Variants in COL28A1 observed in about 807,000 individuals in gnomAD.
COL28A1 encodes the protein collagen alpha-1(XXVIII) chain.
Under a neutral mutation model 150.2 loss-of-function variants are expected in COL28A1, and 161 were observed. That is an observed-to-expected ratio of 1.07 (90% CI 0.94 to 1.22). The LOEUF (loss-of-function observed/expected upper bound fraction) is 1.22. Among genes scored for constraint, COL28A1 ranks in the 50% most tolerant of loss-of-function variants. COL28A1 has a pLI of 0.00. For missense variants in COL28A1, 1,617 were observed against 1,388.3 expected (o/e 1.16, Z -2.62); for synonymous variants, 552 against 469.7 (o/e 1.18, Z -2.26).
chr7:7,473,184 A>T (rs1023274056), intron 15 of COL28A1, among the ~76,000 whole-genome samples: 1 of 152,204 alleles, frequency 6.6e-6, no homozygotes, highest in African/African-American at 2.4e-5. Flanking sequence ...GCTGGGACTT[A>T]ATTAAACTAA....
intron 15 of COL28A1, among the ~76,000 whole-genome samples, chr7:7,457,741 G>A (rs975098987): frequency 1.1e-4 from 16 of 152,224 alleles, no homozygotes; most frequent in African/African-American, 3.6e-4. Flanking sequence ...AGCAGCCAGA[G>A]AGACCAAGTG....
At chr7:7,472,137 C>G (rs1031236368) in intron 15 of COL28A1, among the ~76,000 whole-genome samples, 14 of 152,084 alleles carry the variant, frequency 9.2e-5, no homozygotes, top group African/African-American at 3.4e-4. Flanking sequence ...ACTCTCACCA[C>G]CCCTCTGACA....
At chr7:7,439,080 C>T (rs1785558337) in intron 21 of COL28A1, among the ~76,000 whole-genome samples, 1 of 152,232 alleles carries the variant, frequency 6.6e-6, no homozygotes. Context: ...CTCCGTCTGA[C>T]TCATGTCCTC....
chr7:7,453,188 A>G (rs1786852367), intron 17 of COL28A1, among the ~76,000 whole-genome samples: 1 of 152,232 alleles, frequency 6.6e-6, no homozygotes, highest in South Asian at 2.1e-4. Flanking sequence ...GAGTTGGTAG[A>G]ATAGGATCTC....
chr7:7,426,239 T>C (rs1026862845), intron 25 of COL28A1, among the ~76,000 whole-genome samples: 4 of 152,198 alleles, frequency 2.6e-5, no homozygotes, highest in East Asian at 1.9e-4. Context: ...AAAGTGATGA[T>C]AGCAGCTGCC....
the COL28A1 span, among the ~76,000 whole-genome samples, chr7:7,542,099 C>T: frequency 6.6e-6 from 1 of 152,162 alleles, no homozygotes; most frequent in African/African-American, 2.4e-5. Flanking sequence ...CCTGTAATCC[C>T]AGCACTTTGG....
chr7:7,472,549 C>A (rs1346867995), intron 15 of COL28A1, among the ~76,000 whole-genome samples: 1 of 152,160 alleles, frequency 6.6e-6, no homozygotes, highest in Non-Finnish European at 1.5e-5. Context: ...CAAACACATC[C>A]CATGCTCATG....
At position 7,472,116 on chromosome 7, in the gene COL28A1, C is replaced by G. The variant is rs1360559967; in HGVS notation, c.1302+2485G>C. Among the ~76,000 whole-genome samples the G allele has an allele frequency of 2.0e-5, 3 of 152,146 alleles. No homozygotes were observed. The East Asian group carries it at 5.8e-4, about 29-fold the overall frequency. On this transcript the variant is annotated intron_variant, in intron 15 of 34. Coordinates refer to ENST00000399429, the MANE Select transcript of COL28A1 (RefSeq NM_001037763.3). ...ATTCCCTCTGAGAACTGGAACAAGACAAGGATGCCCACTCTCACCACCCCT... is the reference window on the plus strand; with the variant it reads ...ATTCCCTCTGAGAACTGGAACAAGAGAAGGATGCCCACTCTCACCACCCCT...
intron 18 of COL28A1, among the ~76,000 whole-genome samples, chr7:7,445,769 T>C (rs1287085830): frequency 6.6e-6 from 1 of 151,694 alleles, no homozygotes; most frequent in African/African-American, 2.4e-5. Context: ...AAAAGCACAG[T>C]AAATCTAACA....
Position 7,358,486 on chromosome 7 carries a change from A to C in COL28A1, c.*147T>G, listed in dbSNP as rs1769820874. The C allele has an allele frequency of 1.4e-6, 1 of 705,568 alleles. No homozygotes were observed. The highest frequency in any genetic ancestry group is 2.9e-5 in the Admixed American group (1 of 34,296). 43.7% of individuals were successfully genotyped at this position (705,568 alleles called of 1,614,324 possible). A position where few individuals can be genotyped will look rare whatever the true frequency, so the allele number is the denominator to read the frequency against. Reference sequence around the variant, plus strand: ...TATATAAGTGGTTAATAATATGTACATCCTAGGGCTGTAGTGAGAATTCAA... The same window carrying C: ...TATATAAGTGGTTAATAATATGTACCTCCTAGGGCTGTAGTGAGAATTCAA... On this transcript the variant is annotated 3_prime_UTR_variant, in exon 35 of 35. Transcript: ENST00000399429.
At chr7:7,428,383 C>T (rs138226351) in intron 25 of COL28A1, among the ~76,000 whole-genome samples, 47 of 152,302 alleles carry the variant, frequency 3.1e-4, no homozygotes, top group Non-Finnish European at 6.0e-4. Flanking sequence ...TAGGCTGTAC[C>T]TGCCCTTAGT....
chr7:7,432,398 T>A (rs1785033291), intron 25 of COL28A1, 75 bp downstream of exon 25: 5 of 1,221,614 alleles, frequency 4.1e-6, no homozygotes, highest in Non-Finnish European at 4.8e-6. Flanking sequence ...TGATAAAAAA[T>A]TTTATTTTTA....
At chr7:7,393,689 G>A (rs866940778) in intron 27 of COL28A1, among the ~76,000 whole-genome samples, 4 of 152,166 alleles carry the variant, frequency 2.6e-5, no homozygotes, top group Admixed American at 6.5e-5. Flanking sequence ...AGGCTACAGC[G>A]GCATTGCTGA....
At chr7:7,519,442 CA>C (rs1185951227) in intron 6 of COL28A1, among the ~76,000 whole-genome samples, 1 of 152,130 alleles carries the variant, frequency 6.6e-6, no homozygotes, top group Non-Finnish European at 1.5e-5. Flanking sequence ...TTATTTTTTT[CA>C]TTACACAGAA....
In COL28A1 at chr7:7,489,424, GAGC is replaced by G; in HGVS notation, c.1126_1128del (p.Ala376del). The G allele has an allele frequency of 6.8e-7, 1 of 1,467,610 alleles. No homozygotes were observed. Among genetic ancestry groups the G allele is most frequent in the South Asian group, 1.1e-5 (1 of 88,208 alleles). The allele number at this position is 1,467,610 out of a possible 1,614,324, so 90.9% of individuals were successfully genotyped here. A position where few individuals can be genotyped will look rare whatever the true frequency, so the allele number is the denominator to read the frequency against. On this transcript the variant is annotated inframe_deletion, in exon 13 of 35. Coordinates refer to ENST00000399429, the MANE Select transcript of COL28A1 (RefSeq NM_001037763.3). ...GGCTCACCAACTCCAATGGGTCCTGGAGCTCCCGGTCTTCCTTCTTGGCCTCTT... is the reference window on the plus strand; with the variant it reads ...GGCTCACCAACTCCAATGGGTCCTGGTCCCGGTCTTCCTTCTTGGCCTCTT...
chr7:7,415,879 T>C (rs967275284), intron 27 of COL28A1, among the ~76,000 whole-genome samples: 39 of 152,124 alleles, frequency 2.6e-4, no homozygotes, highest in African/African-American at 9.4e-4. Context: ...CTCAGCTTAC[T>C]GCAGCCTCTG....
chr7:7,348,962 T>A, the COL28A1 span, among the ~76,000 whole-genome samples: 1 of 152,200 alleles, frequency 6.6e-6, no homozygotes, highest in South Asian at 2.1e-4. Flanking sequence ...CCCAGGCTAC[T>A]CTTGAGCTCC....
At chr7:7,383,288 G>GTGTGT (rs1554262225) in intron 27 of COL28A1, among the ~76,000 whole-genome samples, 1 of 94,588 alleles carries the variant, frequency 1.1e-5, no homozygotes, top group African/African-American at 5.5e-5. Context: ...GTGTGTGTGT[G>GTGTGT]TTTTTTTTGA....
intron 8 of COL28A1, among the ~76,000 whole-genome samples, chr7:7,514,534 A>G (rs973986845): frequency 3.3e-5 from 5 of 152,222 alleles, no homozygotes; most frequent in Non-Finnish European, 5.9e-5. Flanking sequence ...TTATTGGCTT[A>G]CATGTAGGCT....
Sources: gnomAD v4.1 joint callset for allele counts (sites outside exome capture counted in the v4.1 genomes callset) on GRCh38, gnomAD v4.1.1 for gene constraint, MANE v1.5 for transcripts, NCBI Gene and HGNC (gene_info 2026-07-23, HGNC 2026-07-21) for gene names.